The following STARD13 variants were observed in gnomAD, a reference collection of about 807,000 sequenced individuals.
STARD13 encodes stAR-related lipid transfer protein 13.
Under a neutral mutation model 106.4 loss-of-function variants are expected in STARD13, and 62 were observed. The observed-to-expected ratio is 0.58, with a 90% CI of 0.48 to 0.72. The LOEUF is 0.72. Among genes scored for constraint, STARD13 ranks in the 30% least tolerant of loss-of-function variants. The pLI, the probability that STARD13 is intolerant of heterozygous loss-of-function variation, is 0.00. For synonymous variants in STARD13, 565 were observed against 553.0 expected (o/e 1.02, Z -0.31); for missense variants, 1,387 against 1,424.0 (o/e 0.97, Z 0.42).
the STARD13 span, among the ~76,000 whole-genome samples, chr13:33,399,700 CAAAAAAAAAAAAA>C: frequency 2.6e-4 from 7 of 26,988 alleles, no homozygotes; most frequent in Non-Finnish European, 5.4e-4. Context: ...GACTCTGTCT[CAAAAAAAAAAAAA>C]AAAAAAAAAA....
At chr13:33,461,183 G>A in the STARD13 span, among the ~76,000 whole-genome samples, 1 of 152,142 alleles carries the variant, frequency 6.6e-6, no homozygotes. Flanking sequence ...CTGGGTGCTG[G>A]CATGTGTTAA....
At chr13:33,434,088 C>CTGTTGGG in the STARD13 span, among the ~76,000 whole-genome samples, 1 of 152,136 alleles carries the variant, frequency 6.6e-6, no homozygotes, top group East Asian at 1.9e-4. Flanking sequence ...CGCTGTGGCT[C>CTGTTGGG]ACGCCTGTAA....
the STARD13 span, among the ~76,000 whole-genome samples, chr13:33,510,682 T>A: frequency 3.3e-5 from 5 of 152,296 alleles, no homozygotes; most frequent in South Asian, 1.0e-3. Flanking sequence ...CAGCTGCCAG[T>A]ACAACATAAA....
chr13:33,307,134 A>G (rs1277034182), intron 1 of STARD13, among the ~76,000 whole-genome samples: 1 of 152,214 alleles, frequency 6.6e-6, no homozygotes, highest in Non-Finnish European at 1.5e-5. Context: ...CAGAATAGCA[A>G]TTATTAAAAA....
rs960122947 is a variant in STARD13 at position 33,338,921 on chromosome 13, G to A, written c.124+11369C>T. On this transcript the variant is annotated intron_variant, in intron 1 of 5. Transcript: ENST00000567873. ...AAAAAAAAAAGAAAGAAAGATACAG[G>A]AACAAAGCATATGAATCTAGAAGTG... is the stretch of plus-strand genomic sequence containing the variant. Among the ~76,000 whole-genome samples the A allele has an allele frequency of 2.7e-5, 4 of 149,256 alleles. No individual in the cohort carries two copies. The South Asian group carries it at 6.4e-4, about 24-fold the overall frequency.
chr13:33,633,929 A>C, the STARD13 span, among the ~76,000 whole-genome samples: 1 of 152,194 alleles, frequency 6.6e-6, no homozygotes, highest in Non-Finnish European at 1.5e-5. Context: ...GGGCTTTCAG[A>C]AGGCCACAGA....
chr13:33,529,917 G>A, the STARD13 span, among the ~76,000 whole-genome samples: 1 of 152,142 alleles, frequency 6.6e-6, no homozygotes, highest in Non-Finnish European at 1.5e-5. Context: ...CCCCGGATAA[G>A]AAACCACATA....
intron 1 of STARD13, among the ~76,000 whole-genome samples, chr13:33,189,248 G>A (rs1886027087): frequency 6.6e-6 from 1 of 151,850 alleles, no homozygotes; most frequent in South Asian, 2.1e-4. Context: ...AATCTCCAAA[G>A]TGGCTGTATC....
the STARD13 span, among the ~76,000 whole-genome samples, chr13:33,385,381 G>A: frequency 7.0e-6 from 1 of 142,304 alleles, no homozygotes; most frequent in Non-Finnish European, 1.5e-5. Context: ...TGTGAGCACA[G>A]GAAAAAAGTA....
At chr13:33,480,066 G>T in the STARD13 span, among the ~76,000 whole-genome samples, 2 of 152,168 alleles carry the variant, frequency 1.3e-5, no homozygotes, top group African/African-American at 4.8e-5. Flanking sequence ...ATCAAGAGAG[G>T]GAGAAGGAAT....
intron 1 of STARD13, among the ~76,000 whole-genome samples, chr13:33,303,218 T>C (rs1304452426): frequency 6.6e-6 from 1 of 152,216 alleles, no homozygotes; most frequent in African/African-American, 2.4e-5. Flanking sequence ...TTTCACTCTG[T>C]GTTGCTTTTT....
At chr13:33,636,936 T>A in the STARD13 span, among the ~76,000 whole-genome samples, 19 of 152,220 alleles carry the variant, frequency 1.2e-4, no homozygotes, top group Admixed American at 3.3e-4. Flanking sequence ...TATGTAATAA[T>A]GTCAGTGGTG....
the STARD13 span, among the ~76,000 whole-genome samples, chr13:33,517,800 G>A: frequency 1.3e-5 from 2 of 151,968 alleles, no homozygotes; most frequent in Non-Finnish European, 2.9e-5. Context: ...GATATTTTTC[G>A]GACAAATAAA....
intron 1 of STARD13, among the ~76,000 whole-genome samples, chr13:33,313,488 C>A (rs947884038): frequency 1.3e-5 from 2 of 152,136 alleles, no homozygotes; most frequent in Admixed American, 6.6e-5. Context: ...AGCATCTTCC[C>A]TTTTCTCCAT....
intron 7 of STARD13, among the ~76,000 whole-genome samples, chr13:33,122,071 C>G (rs1321190593): frequency 6.6e-6 from 1 of 152,212 alleles, no homozygotes; most frequent in Admixed American, 6.5e-5. Flanking sequence ...GTCTAGAACT[C>G]TTGACCTCAG....
At chr13:33,196,941 T>G (rs935973909) in intron 1 of STARD13, among the ~76,000 whole-genome samples, 4 of 152,234 alleles carry the variant, frequency 2.6e-5, no homozygotes, top group African/African-American at 9.6e-5. Flanking sequence ...TTGGCCTTTA[T>G]GACTTGAGAT....
chr13:33,483,959 T>C, the STARD13 span, among the ~76,000 whole-genome samples: 3 of 152,222 alleles, frequency 2.0e-5, no homozygotes, highest in Non-Finnish European at 4.4e-5. Context: ...TAAAAGTCAC[T>C]TAGAATTTCA....
chr13:33,439,342 A>T, the STARD13 span, among the ~76,000 whole-genome samples: 2 of 152,248 alleles, frequency 1.3e-5, no homozygotes, highest in Non-Finnish European at 2.9e-5. Flanking sequence ...CCTTCGAAGC[A>T]GATGTTTCAG....
At chr13:33,543,903 A>G in the STARD13 span, among the ~76,000 whole-genome samples, 4 of 152,230 alleles carry the variant, frequency 2.6e-5, no homozygotes, top group South Asian at 6.2e-4. Flanking sequence ...TACTGGTGAT[A>G]CTAAGCCTGC....
Sources: allele counts gnomAD v4.1 joint callset (sites outside exome capture counted in the v4.1 genomes callset), GRCh38; gene constraint gnomAD v4.1.1; transcripts MANE v1.5; gene names NCBI Gene and HGNC (gene_info 2026-07-23, HGNC 2026-07-21).